Variants in NRF1 observed in about 807,000 individuals in gnomAD.
The protein encoded by NRF1 is alpha palindromic-binding protein.
A neutral mutation model predicts 58.5 loss-of-function variants in NRF1; 5 were observed. The observed-to-expected ratio is 0.09, with a 90% CI of 0.04 to 0.18. NRF1 has a LOEUF of 0.18. Ranked by LOEUF, NRF1 falls within the 10% of genes least tolerant of loss-of-function variation. The probability of loss-of-function intolerance (pLI) is 1.00; values close to 1 mark genes in which losing one functional copy is unlikely to be tolerated. For synonymous variants in NRF1, 224 were observed against 246.7 expected, an observed-to-expected ratio of 0.91 and a Z score of 0.86; for missense variants, 288 against 657.7, an observed-to-expected ratio of 0.44 and a Z score of 6.15.
At chr7:129,673,185 A>G (rs1379521099) in intron 3 of NRF1, among the ~76,000 whole-genome samples, 1 of 152,196 alleles carries the variant, frequency 6.6e-6, no homozygotes, top group Non-Finnish European at 1.5e-5. Flanking sequence ...GAACTTGACA[A>G]GAGTATATTC....
At chr7:129,719,541 C>CACACAACACA (rs1416592537) in intron 9 of NRF1, among the ~76,000 whole-genome samples, 2 of 137,016 alleles carry the variant, frequency 1.5e-5, no homozygotes, top group Non-Finnish European at 3.2e-5. Flanking sequence ...CACACACACA[C>CACACAACACA]ACAACACATC....
intron 2 of NRF1, among the ~76,000 whole-genome samples, chr7:129,658,948 C>T (rs1009796242): frequency 2.6e-5 from 4 of 151,864 alleles, no homozygotes; most frequent in South Asian, 2.1e-4. Context: ...TACAGAAGGA[C>T]GTGAATAGGT....
intron 1 of NRF1, among the ~76,000 whole-genome samples, chr7:129,631,251 T>G (rs1266198650): frequency 7.6e-6 from 1 of 132,304 alleles, no homozygotes; most frequent in Non-Finnish European, 1.7e-5. Flanking sequence ...TTTTTTTTTT[T>G]GAGACAGGGT....
chr7:129,691,364 AT>A (rs35512508), intron 5 of NRF1, among the ~76,000 whole-genome samples: 11 of 134,150 alleles, frequency 8.2e-5, no homozygotes, highest in Non-Finnish European at 9.3e-5. Flanking sequence ...TATTATTATT[AT>A]TTTTTTTTTT....
At chr7:129,643,575 A>G (rs1801341319) in intron 1 of NRF1, among the ~76,000 whole-genome samples, 1 of 152,228 alleles carries the variant, frequency 6.6e-6, no homozygotes, top group East Asian at 1.9e-4. Context: ...TGGGTAGACC[A>G]AACTTCCTAT....
intron 4 of NRF1, among the ~76,000 whole-genome samples, chr7:129,678,623 A>G (rs984212694): frequency 5.3e-5 from 8 of 152,162 alleles, no homozygotes; most frequent in African/African-American, 1.2e-4. Flanking sequence ...ATGTGTTAGG[A>G]CCTTTCCTTA....
chr7:129,614,784 G>T (rs1800627078), intron 1 of NRF1, among the ~76,000 whole-genome samples: 1 of 152,096 alleles, frequency 6.6e-6, no homozygotes, highest in Non-Finnish European at 1.5e-5. Context: ...CAAATTGTAG[G>T]TTTTTTGTTT....
intron 5 of NRF1, among the ~76,000 whole-genome samples, chr7:129,707,933 T>C (rs1238450666): frequency 1.3e-5 from 2 of 152,206 alleles, no homozygotes; most frequent in Non-Finnish European, 2.9e-5. Context: ...TAAGAATACC[T>C]GATATTTATA....
chr7:129,613,235 T>G (rs1800581918), intron 1 of NRF1, among the ~76,000 whole-genome samples: 1 of 152,160 alleles, frequency 6.6e-6, no homozygotes, highest in Non-Finnish European at 1.5e-5. Context: ...TATTTTTCCT[T>G]TGGGCTTGAC....
At chr7:129,702,082 A>G (rs1802837677) in intron 5 of NRF1, among the ~76,000 whole-genome samples, 1 of 152,204 alleles carries the variant, frequency 6.6e-6, no homozygotes, top group South Asian at 2.1e-4. Flanking sequence ...CTGTTCATCA[A>G]GCCCATGCCT....
chr7:129,647,947 T>A (rs947391707), intron 1 of NRF1, among the ~76,000 whole-genome samples: 1 of 152,250 alleles, frequency 6.6e-6, no homozygotes, highest in Non-Finnish European at 1.5e-5. Flanking sequence ...AGTGACAGTT[T>A]GCTCTAACAT....
At chr7:129,665,490 A>T (rs575137770) in intron 2 of NRF1, among the ~76,000 whole-genome samples, 2 of 152,342 alleles carry the variant, frequency 1.3e-5, no homozygotes, top group East Asian at 3.8e-4. Context: ...ACAGCCCCTG[A>T]TTATTGTTGA....
intron 1 of NRF1, among the ~76,000 whole-genome samples, chr7:129,621,779 G>T (rs950622716): frequency 7.3e-6 from 1 of 137,378 alleles, no homozygotes; most frequent in Admixed American, 8.0e-5. Flanking sequence ...TTTCTCCATA[G>T]AATTTTTTTT....
intron 1 of NRF1, among the ~76,000 whole-genome samples, chr7:129,617,498 C>G (rs1191779089): frequency 6.6e-6 from 1 of 152,162 alleles, no homozygotes; most frequent in Non-Finnish European, 1.5e-5. Context: ...TAAGAAATAA[C>G]CTCCTTAAGT....
chr7:129,708,912 T>C (rs985471938), intron 5 of NRF1, among the ~76,000 whole-genome samples, 163 bp from the exon 6 acceptor site: 2 of 152,158 alleles, frequency 1.3e-5, no homozygotes, highest in Non-Finnish European at 2.9e-5. Context: ...CCCATGGAGA[T>C]ATAGGAACCT....
At chr7:129,689,569 C>T (rs1467052285) in intron 4 of NRF1, among the ~76,000 whole-genome samples, 1 of 152,158 alleles carries the variant, frequency 6.6e-6, no homozygotes, top group Non-Finnish European at 1.5e-5. Context: ...TCAGATGAAC[C>T]CATTATATTG....
At chr7:129,668,111 T>C (rs1801962984) in intron 2 of NRF1, among the ~76,000 whole-genome samples, 1 of 152,182 alleles carries the variant, frequency 6.6e-6, no homozygotes, top group Non-Finnish European at 1.5e-5. Flanking sequence ...CCACCTGTAA[T>C]TTATTTTTGT....
intron 1 of NRF1, among the ~76,000 whole-genome samples, chr7:129,625,675 ATTTTTTTT>A (rs56694598): frequency 3.4e-5 from 3 of 88,992 alleles, no homozygotes; most frequent in Non-Finnish European, 6.0e-5. Context: ...TAATGTTTTA[ATTTTTTTT>A]TTTTTTTTTT....
At chr7:129,663,720 G>A (rs1352758276) in intron 2 of NRF1, among the ~76,000 whole-genome samples, 4 of 152,162 alleles carry the variant, frequency 2.6e-5, no homozygotes, top group Admixed American at 6.5e-5. Context: ...CTTCCTAGAC[G>A]GGGTGGCGGG....
Sources: gnomAD v4.1 joint callset for allele counts (sites outside exome capture counted in the v4.1 genomes callset) on GRCh38, gnomAD v4.1.1 for gene constraint, MANE v1.5 for transcripts, NCBI Gene and HGNC (gene_info 2026-07-23, HGNC 2026-07-21) for gene names.